The following ERC1 variants were observed in gnomAD, a reference collection of about 807,000 sequenced individuals.
ERC1 encodes RAB6 interacting protein 2.
A neutral mutation model predicts 132.0 loss-of-function variants in ERC1; 56 were observed. The observed-to-expected ratio is 0.42, with a 90% CI of 0.34 to 0.53. The LOEUF (loss-of-function observed/expected upper bound fraction) is 0.53, where lower values mean the gene tolerates loss of function less well. Ranked by LOEUF, ERC1 falls within the 20% of genes least tolerant of loss-of-function variation. The probability of loss-of-function intolerance (pLI) is 0.03; values close to 1 mark genes in which losing one functional copy is unlikely to be tolerated. For synonymous variants in ERC1, 478 were observed against 476.1 expected (o/e 1.00, Z -0.05); for missense variants, 1,202 against 1,349.9 (o/e 0.89, Z 1.72).
chr12:1,490,364 T>G lies in ERC1; in HGVS notation c.*134T>G. 4.8e-6 allele frequency: 4 copies of G among 835,502 alleles called. No individual in the cohort carries two copies. Among genetic ancestry groups the G allele is most frequent in the Non-Finnish European group, 7.3e-6 (4 of 544,332 alleles). The allele number at this position is 835,502 out of a possible 1,614,324, so 51.8% of individuals were successfully genotyped here. On this transcript the variant is annotated 3_prime_UTR_variant, in exon 19 of 19. Coordinates refer to ENST00000360905, the MANE Select transcript of ERC1 (RefSeq NM_178040.4). ...CCCAACTTGCTCACTTGAAGAAGTG[T>G]GATTCCAGCACCGTTTCTACATCTG...
At chr12:1,480,848 G>A (rs546830210) in intron 18 of ERC1, 9 of 702,390 alleles carry the variant, frequency 1.3e-5, no homozygotes, top group South Asian at 4.4e-5. Flanking sequence ...CACAGAATCC[G>A]TTGCATCCCA....
chr12:1,366,722 A>C (rs191240560), intron 15 of ERC1, among the ~76,000 whole-genome samples: 1 of 152,308 alleles, frequency 6.6e-6, no homozygotes, highest in East Asian at 1.9e-4. Context: ...CCAAGATAAA[A>C]GGGTGGGAGT....
chr12:1,014,021 A>G (rs201601266), intron 1 of ERC1, among the ~76,000 whole-genome samples: 3 of 147,508 alleles, frequency 2.0e-5, no homozygotes, highest in African/African-American at 7.6e-5. Flanking sequence ...GTGCCTGGTG[A>G]TTTTTTTTTT....
chr12:1,157,619 C>T (rs1009026315), intron 8 of ERC1, among the ~76,000 whole-genome samples: 5 of 152,176 alleles, frequency 3.3e-5, no homozygotes, highest in Non-Finnish European at 7.3e-5. Context: ...TCTCACTCTT[C>T]TCACTCATTT....
intron 7 of ERC1, among the ~76,000 whole-genome samples, chr12:1,130,823 C>T (rs1260144891): frequency 6.6e-6 from 1 of 151,982 alleles, no homozygotes; most frequent in Non-Finnish European, 1.5e-5. Context: ...GGCTCAGTGC[C>T]CTTCACGTAG....
chr12:1,159,575 G>T (rs1200781227), intron 8 of ERC1, among the ~76,000 whole-genome samples: 1 of 152,188 alleles, frequency 6.6e-6, no homozygotes, highest in Non-Finnish European at 1.5e-5. Context: ...GAATAAGTCA[G>T]ATCTTTTTTC....
At chr12:1,421,633 T>C (rs1244398404) in intron 17 of ERC1, among the ~76,000 whole-genome samples, 1 of 152,180 alleles carries the variant, frequency 6.6e-6, no homozygotes, top group Non-Finnish European at 1.5e-5. Flanking sequence ...TTTACAACAG[T>C]GATGTTATCT....
At chr12:1,095,390 A>G (rs1593255898) in intron 3 of ERC1, among the ~76,000 whole-genome samples, 1 of 80,488 alleles carries the variant, frequency 1.2e-5, no homozygotes, top group African/African-American at 4.0e-5. Flanking sequence ...AGATTGTGCC[A>G]CTGCACCAAA....
chr12:1,413,247 T>C (rs2091938805), intron 17 of ERC1, among the ~76,000 whole-genome samples: 1 of 152,008 alleles, frequency 6.6e-6, no homozygotes, highest in South Asian at 2.1e-4. Context: ...AAGGACTGCC[T>C]CCACTCATAA....
At chr12:1,170,334 G>T (rs965859832) in intron 8 of ERC1, among the ~76,000 whole-genome samples, 1 of 152,058 alleles carries the variant, frequency 6.6e-6, no homozygotes, top group Non-Finnish European at 1.5e-5. Context: ...CAATACAATG[G>T]ATTTTTTTAA....
intron 2 of ERC1, among the ~76,000 whole-genome samples, chr12:1,065,476 CCGTTTG>C (rs1229310055): frequency 1.2e-4 from 7 of 56,050 alleles, no homozygotes; most frequent in Non-Finnish European, 2.5e-4. Context: ...TTTCTTTGTA[CCGTTTG>C]TGTGTGTGTG....
chr12:1,399,738 G>A (rs1419504102), intron 16 of ERC1, among the ~76,000 whole-genome samples: 1 of 152,156 alleles, frequency 6.6e-6, no homozygotes, highest in Non-Finnish European at 1.5e-5. Context: ...CCTTTTTATG[G>A]CTAATAGCTC....
rs1317065850 is a variant in ERC1, at chr12:1,046,511, T to C, written c.669+17939T>C. 2.6e-5 allele frequency among the ~76,000 whole-genome samples: 4 copies of C among 152,246 alleles called. No homozygotes were observed. In the East Asian group the frequency reaches 7.7e-4, roughly 29 times the overall value. On this transcript the variant is annotated intron_variant, in intron 2 of 18. Transcript: ENST00000360905. ...GACACAGCTATGTTTATTTTTGTAT[T>C]ATATATGGCTGCTTTCACACCAGTG...
intron 8 of ERC1, among the ~76,000 whole-genome samples, chr12:1,164,352 T>G (rs945779436): frequency 6.7e-6 from 1 of 149,998 alleles, no homozygotes. Flanking sequence ...TTTATGTTAT[T>G]TTATTTTTGA....
At chr12:1,198,825 T>A (rs2154281999) in intron 12 of ERC1, among the ~76,000 whole-genome samples, 1 of 152,184 alleles carries the variant, frequency 6.6e-6, no homozygotes, top group Admixed American at 6.5e-5. Context: ...AACAACCAGA[T>A]CTTGTGAGAA....
chr12:1,007,540 C>CTCTCTCTCTCTCTCTGTGTGTG (rs1555194875), intron 1 of ERC1, among the ~76,000 whole-genome samples: 51 of 122,772 alleles, frequency 4.2e-4, no homozygotes, highest in African/African-American at 7.5e-4. Context: ...CTCTCTCTCT[C>CTCTCTCTCTCTCTCTGTGTGTG]TGTGTGTGTG....
intron 18 of ERC1, among the ~76,000 whole-genome samples, chr12:1,471,162 C>T (rs2093852270): frequency 6.6e-6 from 1 of 152,206 alleles, no homozygotes; most frequent in Non-Finnish European, 1.5e-5. Flanking sequence ...TGGTGGCACA[C>T]ACCCGTAGTC....
At chr12:1,188,621 T>C (rs905305451) in intron 11 of ERC1, among the ~76,000 whole-genome samples, 1 of 152,190 alleles carries the variant, frequency 6.6e-6, no homozygotes, top group Admixed American at 6.5e-5. Context: ...TAAAAGATTT[T>C]TTTCTACACA....
intron 13 of ERC1, among the ~76,000 whole-genome samples, chr12:1,253,315 C>G (rs536123821): frequency 1.7e-4 from 26 of 152,218 alleles, no homozygotes; most frequent in African/African-American, 5.8e-4. Flanking sequence ...TTTGAGGGAA[C>G]AACAAATTAA....
Sources: allele counts gnomAD v4.1 joint callset (sites outside exome capture counted in the v4.1 genomes callset), GRCh38; gene constraint gnomAD v4.1.1; transcripts MANE v1.5; gene names NCBI Gene and HGNC (gene_info 2026-07-23, HGNC 2026-07-21).